SDR16C5: variants seen among roughly 807,000 people sequenced by gnomAD.
The protein encoded by SDR16C5 is short chain dehydrogenase/reductase family 16C member 5.
SDR16C5 carries 20 observed loss-of-function variants against 27.7 expected under a neutral mutation model. The ratio of observed to expected loss-of-function variants is 0.72; its 90% CI spans 0.51 to 1.05. The LOEUF (loss-of-function observed/expected upper bound fraction) is 1.05. Among genes scored for constraint, SDR16C5 ranks in the 50% least tolerant of loss-of-function variants. SDR16C5 has a pLI of 0.00. For synonymous variants in SDR16C5, 139 were observed against 132.3 expected (o/e 1.05, Z -0.35); for missense variants, 374 against 366.3 (o/e 1.02, Z -0.17).
chr8:56,316,836 C>A (rs1298161407), intron 1 of SDR16C5, among the ~76,000 whole-genome samples: 2 of 152,116 alleles, frequency 1.3e-5, no homozygotes, highest in African/African-American at 4.8e-5. Context: ...TTTGCATTCT[C>A]GTTAATTTTG....
At chr8:56,313,930 C>T (rs947539705) in intron 2 of SDR16C5, among the ~76,000 whole-genome samples, 1 of 152,142 alleles carries the variant, frequency 6.6e-6, no homozygotes, top group Non-Finnish European at 1.5e-5. Context: ...TGGTATTGGC[C>T]GGGCGCGGTA....
Position 56,309,495 on chromosome 8 carries a change from T to C in SDR16C5, c.466-468A>G. 3 of 985,296 alleles carry C rather than the reference T, an allele frequency of 3.0e-6. 1 individual carries two copies. Among genetic ancestry groups the C allele is most frequent in the Non-Finnish European group, 1.2e-6 (1 of 829,772 alleles). 61.0% of individuals were successfully genotyped at this position (985,296 alleles called of 1,614,324 possible). On this transcript the variant is annotated intron_variant, in intron 3 of 6. Transcript: ENST00000303749. The stretch of plus-strand genomic sequence containing the variant: ...GAGCACTTTGTTTTAAACTCATCTC[T>C]TATTTTTGTTCCATTTCGTAAAACA...
At chr8:56,307,237 G>A (rs1814909334) in intron 4 of SDR16C5, among the ~76,000 whole-genome samples, 1 of 152,108 alleles carries the variant, frequency 6.6e-6, no homozygotes, top group Admixed American at 6.5e-5. Context: ...AGAGAGGCCA[G>A]CATGGGTTGT....
At chr8:56,319,124 G>GAAAAA (rs11372550) in intron 1 of SDR16C5, among the ~76,000 whole-genome samples, 1 of 134,876 alleles carries the variant, frequency 7.4e-6, no homozygotes, top group Non-Finnish European at 1.6e-5. Context: ...GAACAAATTA[G>GAAAAA]AAAAAAAAAA....
At chr8:56,315,258 A>G (rs1258290699) in intron 2 of SDR16C5, among the ~76,000 whole-genome samples, 3 of 152,046 alleles carry the variant, frequency 2.0e-5, no homozygotes, top group African/African-American at 7.2e-5. Context: ...AAAAAAAAAA[A>G]AAATTCCTTG....
intron 4 of SDR16C5, 35 bp from the exon 5 acceptor site, chr8:56,306,855 A>G (rs1814899916): frequency 6.3e-7 from 1 of 1,584,410 alleles, no homozygotes. Context: ...GTATATTCCA[A>G]AGTTTTAAAA....
intron 2 of SDR16C5, among the ~76,000 whole-genome samples, chr8:56,314,297 T>C (rs1375295121): frequency 1.3e-5 from 2 of 152,140 alleles, no homozygotes; most frequent in Non-Finnish European, 2.9e-5. Context: ...TTCCTTCCCC[T>C]GAATTCAGAG....
chr8:56,301,352 A>G lies in SDR16C5; in HGVS notation c.*128T>C, dbSNP rs910093716. 15 of 591,020 alleles carry G rather than the reference A, an allele frequency of 2.5e-5. No homozygotes were observed. Among genetic ancestry groups the G allele is most frequent in the Middle Eastern group, 5.4e-4 (2 of 3,708 alleles). The allele number at this position is 591,020 out of a possible 1,614,324, so 36.6% of individuals were successfully genotyped here. The stretch of plus-strand genomic sequence containing the variant: ...ACATTGATTGAAAATTCTAGTCCAG[A>G]TAACAGAATAGGAGTGGTACTTGTG... On this transcript the variant is annotated 3_prime_UTR_variant, in exon 7 of 7. Transcript: ENST00000303749.
intron 4 of SDR16C5, among the ~76,000 whole-genome samples, chr8:56,308,224 C>T (rs1211551569): frequency 3.3e-5 from 5 of 152,186 alleles, no homozygotes; most frequent in Non-Finnish European, 5.9e-5. Flanking sequence ...ATCTGTTATC[C>T]GAATGTTGCT....
At chr8:56,304,820 C>T (rs144041849) in intron 6 of SDR16C5, among the ~76,000 whole-genome samples, 1 of 152,240 alleles carries the variant, frequency 6.6e-6, no homozygotes, top group African/African-American at 2.4e-5. Flanking sequence ...CCTCAGCCTC[C>T]TGACTAGCTG....
chr8:56,301,608 T>C (rs1337285806), intron 6 of SDR16C5, 35 bp from the exon 7 acceptor site: 1 of 1,498,688 alleles, frequency 6.7e-7, no homozygotes, highest in Non-Finnish European at 9.3e-7. Flanking sequence ...TTCTTTATTA[T>C]CATTCATGAA....
chr8:56,301,947 A>G (rs1003913092), intron 6 of SDR16C5, among the ~76,000 whole-genome samples: 27 of 152,178 alleles, frequency 1.8e-4, no homozygotes, highest in African/African-American at 6.5e-4. Flanking sequence ...GCCTTAGGCA[A>G]TCGACTCAGC....
chr8:56,309,292 CAATA>C (rs2129258807), intron 3 of SDR16C5: 22 of 983,758 alleles, frequency 2.2e-5, no homozygotes, highest in South Asian at 1.4e-4. Flanking sequence ...TTTAACGACA[CAATA>C]TTAAAACAAG....
At chr8:56,315,450 A>G (rs1815165383) in intron 2 of SDR16C5, among the ~76,000 whole-genome samples, 1 of 152,192 alleles carries the variant, frequency 6.6e-6, no homozygotes, top group Admixed American at 6.5e-5. Flanking sequence ...AGCAATACAC[A>G]TTCGAACGTA....
At chr8:56,303,910 T>G in intron 6 of SDR16C5, 2 of 700,222 alleles carry the variant, frequency 2.9e-6, no homozygotes, top group South Asian at 3.0e-5. Context: ...AAACATTGTC[T>G]CTACAATGTA....
chr8:56,305,799 G>T, intron 5 of SDR16C5, 77 bp from the exon 6 acceptor site: 1 of 1,439,906 alleles, frequency 6.9e-7, no homozygotes, highest in Non-Finnish European at 9.3e-7. Context: ...TTCAAATTAG[G>T]GATAAAAGGT....
chr8:56,302,410 C>T (rs774451178), intron 6 of SDR16C5, among the ~76,000 whole-genome samples: 2 of 152,214 alleles, frequency 1.3e-5, no homozygotes, highest in African/African-American at 4.8e-5. Context: ...CGCAGTGGCT[C>T]ACGCCTGTAA....
At position 56,312,304 on chromosome 8, in the gene SDR16C5, G is replaced by T; in HGVS notation, c.334-16C>A. ...CTTTTTTAACCTGAATTGAATAAGA[G>T]CAACACCACCAATGTAGTAATTCCT... On this transcript the variant is annotated splice_polypyrimidine_tract_variant and intron_variant, in intron 2 of 6. Coordinates refer to ENST00000303749, the MANE Select transcript of SDR16C5 (RefSeq NM_138969.4). 1.2e-6 allele frequency: 2 copies of T among 1,609,312 alleles called. No homozygotes were observed. Among genetic ancestry groups the T allele is most frequent in the Non-Finnish European group, 1.7e-6 (2 of 1,175,656 alleles).
At chr8:56,310,110 GAGGAGA>G (rs1814988701) in intron 3 of SDR16C5, among the ~76,000 whole-genome samples, 1 of 130,908 alleles carries the variant, frequency 7.6e-6, no homozygotes, top group Admixed American at 7.9e-5. Flanking sequence ...GAGGAAGGAG[GAGGAGA>G]AGGAAGGAGG....
Sources: gnomAD v4.1 joint callset for allele counts (sites outside exome capture counted in the v4.1 genomes callset) on GRCh38, gnomAD v4.1.1 for gene constraint, MANE v1.5 for transcripts, NCBI Gene and HGNC (gene_info 2026-07-23, HGNC 2026-07-21) for gene names.